GRID1: variants seen among roughly 807,000 people sequenced by gnomAD.
GRID1 encodes glutamate receptor ionotropic, delta-1.
A neutral mutation model predicts 98.0 loss-of-function variants in GRID1; 28 were observed. The observed-to-expected ratio is 0.29, with a 90% confidence interval of 0.21 to 0.39. GRID1 has a LOEUF of 0.39. Ranked by LOEUF, GRID1 falls within the 10% of genes least tolerant of loss-of-function variation. GRID1 has a pLI of 1.00. For missense variants in GRID1, 1,111 were observed against 1,340.5 expected (o/e 0.83, Z 2.67); for synonymous variants, 553 against 538.5 (o/e 1.03, Z -0.37).
intron 3 of GRID1, among the ~76,000 whole-genome samples, chr10:86,200,950 A>G (rs541468023): frequency 6.6e-6 from 1 of 152,320 alleles, no homozygotes; most frequent in African/African-American, 2.4e-5. Flanking sequence ...ACTTGGGGAA[A>G]TCTCATATAT....
At chr10:86,082,901 C>T (rs752277221) in intron 4 of GRID1, among the ~76,000 whole-genome samples, 10 of 152,190 alleles carry the variant, frequency 6.6e-5, no homozygotes, top group Non-Finnish European at 1.2e-4. Context: ...CAGGCAAGGA[C>T]AGAGCGGGTG....
At chr10:86,246,651 C>A (rs1846732590) in intron 2 of GRID1, among the ~76,000 whole-genome samples, 1 of 152,196 alleles carries the variant, frequency 6.6e-6, no homozygotes, top group Non-Finnish European at 1.5e-5. Flanking sequence ...CTCCACCGCC[C>A]AGAACCCTGT....
chr10:86,269,843 C>A (rs1353951430), intron 2 of GRID1, among the ~76,000 whole-genome samples: 17 of 152,144 alleles, frequency 1.1e-4, no homozygotes, highest in South Asian at 2.1e-4. Flanking sequence ...TAGGTGTACT[C>A]CATGGAAACC....
chr10:85,728,951 T>C (rs942569628), intron 9 of GRID1, among the ~76,000 whole-genome samples: 2 of 152,142 alleles, frequency 1.3e-5, no homozygotes, highest in African/African-American at 4.8e-5. Flanking sequence ...TCCTGCAGTT[T>C]TTATAAAAAT....
At chr10:85,838,088 A>T (rs1037405428) in intron 8 of GRID1, among the ~76,000 whole-genome samples, 14 of 152,242 alleles carry the variant, frequency 9.2e-5, no homozygotes, top group Admixed American at 9.2e-4. Context: ...TTTCTGAAAT[A>T]AGACAGGCAG....
intron 6 of GRID1, among the ~76,000 whole-genome samples, chr10:85,858,286 G>A (rs772029025): frequency 4.6e-5 from 7 of 152,200 alleles, no homozygotes; most frequent in Non-Finnish European, 1.0e-4. Flanking sequence ...GCCTTGAGCT[G>A]AGGGGGAGTA....
At chr10:86,177,140 C>T (rs1845586738) in intron 3 of GRID1, among the ~76,000 whole-genome samples, 1 of 151,882 alleles carries the variant, frequency 6.6e-6, no homozygotes, top group South Asian at 2.1e-4. Context: ...GAGATGAACA[C>T]ACCCTCCAGG....
chr10:86,196,986 C>A lies in GRID1; in HGVS notation c.520+9378G>T, dbSNP rs79649178. ...ATTCACTCATCAAATATTTAATGAG[C>A]ACCTACTAAGCTTTAGGTGCTGTTC... is the stretch of plus-strand genomic sequence containing the variant. On this transcript the variant is annotated intron_variant, in intron 3 of 15. Transcript: ENST00000327946. 1.5e-3 allele frequency among the ~76,000 whole-genome samples: 228 copies of A among 152,178 alleles called. 2 individuals carry two copies. The highest frequency in any genetic ancestry group is 5.3e-3 in the African/African-American group (219 of 41,564).
At position 85,600,674 on chromosome 10, in the gene GRID1, A is replaced by T. The variant is rs1343590329; in HGVS notation, c.*1599T>A. The T allele has an allele frequency of 1.3e-5, 2 of 152,178 alleles. No homozygotes were observed. The highest frequency in any genetic ancestry group is 2.4e-5 in the African/African-American group (1 of 41,432). The allele number at this position is 152,178 out of a possible 1,614,324, so 9.4% of individuals were successfully genotyped here. ...GATCAGACTAACCTTTGTCTTTAGG[A>T]GAGGAACTGAAGTGACACAACTCAG... On this transcript the variant is annotated 3_prime_UTR_variant, in exon 16 of 16. Coordinates refer to ENST00000327946, the MANE Select transcript of GRID1 (RefSeq NM_017551.3).
At chr10:86,138,246 C>T (rs10509531) in intron 4 of GRID1, among the ~76,000 whole-genome samples, 64,477 of 152,108 alleles carry the variant, frequency 0.42, 16,711 homozygotes, top group African/African-American at 0.73. Flanking sequence ...CTTTACTAAC[C>T]AATGGATTCT....
At chr10:86,068,404 T>C (rs986965364) in intron 4 of GRID1, among the ~76,000 whole-genome samples, 3 of 152,194 alleles carry the variant, frequency 2.0e-5, no homozygotes, top group Admixed American at 6.5e-5. Context: ...TTCCCCCCAC[T>C]GAGGAGTTCA....
intron 4 of GRID1, among the ~76,000 whole-genome samples, chr10:86,130,999 G>A (rs1446057833): frequency 6.6e-6 from 1 of 151,624 alleles, no homozygotes; most frequent in African/African-American, 2.4e-5. Context: ...CACACGTCCT[G>A]CGAGTGGGGT....
intron 4 of GRID1, among the ~76,000 whole-genome samples, chr10:85,993,453 T>C (rs577558860): frequency 6.6e-6 from 1 of 152,306 alleles, no homozygotes; most frequent in African/African-American, 2.4e-5. Context: ...GCATGGACAT[T>C]TATATCAATC....
intron 3 of GRID1, among the ~76,000 whole-genome samples, chr10:86,175,744 T>A (rs1845567536): frequency 1.3e-5 from 2 of 152,018 alleles, no homozygotes; most frequent in Admixed American, 1.3e-4. Context: ...AGTTTCACTC[T>A]TGTTGCCCAG....
chr10:86,170,150 G>A (rs757744879), intron 3 of GRID1, among the ~76,000 whole-genome samples: 42 of 152,212 alleles, frequency 2.8e-4, no homozygotes, highest in Non-Finnish European at 4.3e-4. Flanking sequence ...GGACCACAAC[G>A]GTGCCCAACG....
intron 1 of GRID1, 50 bp from the exon 2 acceptor site, chr10:86,364,146 C>A: frequency 2.6e-6 from 4 of 1,551,902 alleles, no homozygotes; most frequent in Non-Finnish European, 3.5e-6. Flanking sequence ...ACCCTCTCCC[C>A]GCTTCCCTTG....
At chr10:85,937,740 G>A (rs1190704886) in intron 4 of GRID1, among the ~76,000 whole-genome samples, 1 of 152,174 alleles carries the variant, frequency 6.6e-6, no homozygotes, top group Non-Finnish European at 1.5e-5. Flanking sequence ...ATTTGGGGTT[G>A]TCAAAACTTG....
chr10:85,956,699 G>C (rs1453257182), intron 4 of GRID1, among the ~76,000 whole-genome samples: 1 of 152,142 alleles, frequency 6.6e-6, no homozygotes, highest in Non-Finnish European at 1.5e-5. Context: ...GAGATTAATG[G>C]AAAATGCCCT....
At chr10:85,753,137 C>T (rs755114849) in intron 8 of GRID1, among the ~76,000 whole-genome samples, 9 of 152,156 alleles carry the variant, frequency 5.9e-5, no homozygotes, top group Non-Finnish European at 8.8e-5. Context: ...AGCAATTTCA[C>T]AGATTACACT....
Sources: gnomAD v4.1 joint callset for allele counts (sites outside exome capture counted in the v4.1 genomes callset) on GRCh38, gnomAD v4.1.1 for gene constraint, MANE v1.5 for transcripts, NCBI Gene and HGNC (gene_info 2026-07-23, HGNC 2026-07-21) for gene names.